The following LYN variants were observed in gnomAD, a reference collection of about 807,000 sequenced individuals.
The protein encoded by LYN is LYN proto-oncogene, Src family tyrosine kinase.
Under a neutral mutation model 65.0 loss-of-function variants are expected in LYN, and 12 were observed. The ratio of observed to expected loss-of-function variants is 0.18; its 90% CI spans 0.12 to 0.30. LYN has a LOEUF of 0.30. LYN is among the 10% of genes least tolerant of loss of function. The pLI is 1.00. For missense variants in LYN, 380 were observed against 623.2 expected (o/e 0.61, Z 4.16); for synonymous variants, 222 against 221.2 (o/e 1.00, Z -0.03).
chr8:55,954,095 G>A (rs186599815), intron 8 of LYN, 111 bp downstream of exon 8: 5 of 1,211,102 alleles, frequency 4.1e-6, no homozygotes, highest in Non-Finnish European at 2.3e-6. Context: ...TATGTCAGAA[G>A]CATCATTTAT....
chr8:55,939,596 TG>T (rs1413061006), intron 1 of LYN, among the ~76,000 whole-genome samples: 1 of 152,148 alleles, frequency 6.6e-6, no homozygotes, highest in African/African-American at 2.4e-5. Context: ...GCTCGGTCCG[TG>T]CTGGGAGGGA....
At chr8:55,900,108 C>A (rs1168746227) in intron 1 of LYN, among the ~76,000 whole-genome samples, 1 of 152,178 alleles carries the variant, frequency 6.6e-6, no homozygotes, top group Non-Finnish European at 1.5e-5. Context: ...AGAGCTCAGA[C>A]ACTGAAAACC....
chr8:55,905,602 C>G (rs1329237762), intron 1 of LYN, among the ~76,000 whole-genome samples: 2 of 152,076 alleles, frequency 1.3e-5, no homozygotes, highest in Non-Finnish European at 2.9e-5. Flanking sequence ...GAAAAGGGAA[C>G]CACAAATGTC....
At chr8:55,947,920 C>T (rs1196886966) in intron 4 of LYN, among the ~76,000 whole-genome samples, 197 bp downstream of exon 4, 2 of 152,158 alleles carry the variant, frequency 1.3e-5, no homozygotes, top group African/African-American at 4.8e-5. Flanking sequence ...TTAAGTCGGT[C>T]TGTGAGCACA....
chr8:55,896,173 A>T (rs1384721957), intron 1 of LYN, among the ~76,000 whole-genome samples: 2 of 151,894 alleles, frequency 1.3e-5, no homozygotes, highest in African/African-American at 4.8e-5. Flanking sequence ...TGGAGGCTGA[A>T]GTGAGTGGGT....
chr8:55,887,575 TACAC>T (rs372547745), intron 1 of LYN, among the ~76,000 whole-genome samples: 1,579 of 93,454 alleles, frequency 0.017, 27 homozygotes, highest in African/African-American at 0.057. Flanking sequence ...TATATATATA[TACAC>T]ACACACACAC....
chr8:55,952,804 G>A (rs913440914), intron 7 of LYN, among the ~76,000 whole-genome samples: 11 of 152,186 alleles, frequency 7.2e-5, no homozygotes, highest in African/African-American at 2.7e-4. Flanking sequence ...GTGTGTAAAA[G>A]TAATGTATAT....
At chr8:55,919,781 C>T (rs558717135) in intron 1 of LYN, among the ~76,000 whole-genome samples, 1 of 152,272 alleles carries the variant, frequency 6.6e-6, no homozygotes, top group African/African-American at 2.4e-5. Flanking sequence ...GGAGAATGCA[C>T]CCGTCTGGGT....
rs538253793 is a variant in LYN, at chr8:55,901,523, G to C, written c.-6+21420G>C. ...TGGCCTCCCTGGAACTACTTCTGGT[G>C]GTTTCCCTGGACTTAGTATCCCCCA... On this transcript the variant is annotated intron_variant, in intron 1 of 12. Transcript: ENST00000519728. Among the ~76,000 whole-genome samples, 13 of 152,328 alleles carry C rather than the reference G, an allele frequency of 8.5e-5. No individual in the cohort carries two copies. The South Asian group carries it at 2.5e-3, about 29-fold the overall frequency.
rs1356214132 is a variant in LYN, at chr8:56,003,049, G to A, written c.1336+3500G>A. Among the ~76,000 whole-genome samples, 5 of 149,820 alleles carry A rather than the reference G, an allele frequency of 3.3e-5. No individual in the cohort carries two copies. In the South Asian group the frequency reaches 6.3e-4, roughly 19 times the overall value. ...CTTTACGCAGTAAACTGCTGGCTAT[G>A]TTTTTGTTTTTTGTTTTTTTTTTTT... is the stretch of plus-strand genomic sequence containing the variant. On this transcript the variant is annotated intron_variant, in intron 12 of 12. Coordinates refer to ENST00000519728, the MANE Select transcript of LYN (RefSeq NM_002350.4).
chr8:55,985,346 T>C (rs1443847818), intron 10 of LYN, among the ~76,000 whole-genome samples: 2 of 152,136 alleles, frequency 1.3e-5, no homozygotes, highest in African/African-American at 4.8e-5. Flanking sequence ...TAAAGGAAAA[T>C]GCAGGAGCAG....
intron 1 of LYN, among the ~76,000 whole-genome samples, chr8:55,896,968 GACCTT>G (rs1287377683): frequency 6.6e-6 from 1 of 152,150 alleles, no homozygotes; most frequent in African/African-American, 2.4e-5. Context: ...TCAAACTCCT[GACCTT>G]AGGTGATCCG....
chr8:55,903,221 C>G (rs910711893), intron 1 of LYN, among the ~76,000 whole-genome samples: 3 of 151,958 alleles, frequency 2.0e-5, no homozygotes, highest in Admixed American at 6.6e-5. Flanking sequence ...TCGAACTCCT[C>G]ACCTCAAGTG....
chr8:55,884,038 G>A (rs1804719044), intron 1 of LYN, among the ~76,000 whole-genome samples: 1 of 152,176 alleles, frequency 6.6e-6, no homozygotes, highest in Admixed American at 6.5e-5. Flanking sequence ...TGCCAATGGA[G>A]GGATTAGAAA....
rs200330287 is a variant in LYN at position 56,002,426 on chromosome 8, T to TA, written c.1336+2888dup. 2.1e-3 allele frequency among the ~76,000 whole-genome samples: 291 copies of TA among 135,950 alleles called. 2 individuals carry two copies. The highest frequency in any genetic ancestry group is 7.4e-3 in the Middle Eastern group (2 of 270). 89.2% of individuals were successfully genotyped at this position (135,950 alleles called of 152,430 possible). On this transcript the variant is annotated intron_variant, in intron 12 of 12. Transcript: ENST00000519728. ...AGAGCGAGACTCCATCTTAAAAAAATAAAAAAAAAAAGAATAAAATAAAAT... is the reference window on the plus strand; with the variant it reads ...AGAGCGAGACTCCATCTTAAAAAAATAAAAAAAAAAAAGAATAAAATAAAAT...
At chr8:55,954,130 C>A in intron 8 of LYN, 146 bp downstream of exon 8, 2 of 847,468 alleles carry the variant, frequency 2.4e-6, no homozygotes, top group Non-Finnish European at 3.7e-6. Context: ...TCCATTGGGG[C>A]TGAGAACTGG....
intron 10 of LYN, among the ~76,000 whole-genome samples, chr8:55,981,821 G>A (rs1477528673): frequency 6.6e-6 from 1 of 152,232 alleles, no homozygotes; most frequent in Non-Finnish European, 1.5e-5. Flanking sequence ...TAGAATACAA[G>A]TATCTGGGCC....
At chr8:55,987,970 A>G (rs1808129356) in intron 10 of LYN, among the ~76,000 whole-genome samples, 1 of 152,184 alleles carries the variant, frequency 6.6e-6, no homozygotes, top group Non-Finnish European at 1.5e-5. Flanking sequence ...ATCATCATCA[A>G]AGTATAGATT....
At position 55,947,713 on chromosome 8, in the gene LYN, G is replaced by A; in HGVS notation, c.274G>A (p.Val92Ile). 6.2e-7 allele frequency: 1 copy of A among 1,612,896 alleles called. No homozygotes were observed. ...LSFKKGEKMK[V>I]LEEHGEWWKA... ...TTTCAAGAAAGGAGAGAAGATGAAA[G>A]TCCTGGAGGAGTAAGTGCTCTCAAG... is the stretch of plus-strand genomic sequence containing the variant. Residue 92 changes from valine to isoleucine, a missense_variant, in exon 4 of 13, where the codon GTC (valine) becomes ATC (isoleucine). Val to Ile is a conservative substitution (Grantham distance 29). This residue lies in a region of LYN where 157 missense variants were observed against 193.2 expected (regional missense o/e 0.81). Coordinates refer to ENST00000519728, the MANE Select transcript of LYN (RefSeq NM_002350.4).
Sources: allele counts gnomAD v4.1 joint callset (sites outside exome capture counted in the v4.1 genomes callset), GRCh38; gene constraint gnomAD v4.1.1; regional missense constraint gnomAD v4.1.1; transcripts MANE v1.5; gene names NCBI Gene and HGNC (gene_info 2026-07-23, HGNC 2026-07-21).